Variants in DNAI4 observed in about 807,000 individuals in gnomAD.
DNAI4 encodes the protein WD repeat domain 78.
In DNAI4, 85 loss-of-function variants were observed where a neutral mutation model predicts 105.8. That is an observed-to-expected ratio of 0.80 (90% confidence interval 0.67 to 0.96). The LOEUF is 0.96. Among genes scored for constraint, DNAI4 ranks in the 40% least tolerant of loss-of-function variants. The pLI is 0.00. For synonymous variants in DNAI4, 352 were observed against 331.5 expected, an observed-to-expected ratio of 1.06 and a Z score of -0.67; for missense variants, 1,014 against 1,005.6, an observed-to-expected ratio of 1.01 and a Z score of -0.11.
At chr1:66,834,539 T>C (rs556319731) in intron 11 of DNAI4, among the ~76,000 whole-genome samples, 1 of 152,274 alleles carries the variant, frequency 6.6e-6, no homozygotes, top group South Asian at 2.1e-4. Context: ...ATGATGTTTC[T>C]ATGAATTAAG....
intron 4 of DNAI4, among the ~76,000 whole-genome samples, chr1:66,888,536 T>C (rs1315444812): frequency 2.4e-4 from 37 of 152,030 alleles, no homozygotes; most frequent in Admixed American, 2.4e-3. Flanking sequence ...CTACTAAAAA[T>C]ACAAAAATTA....
intron 14 of DNAI4, among the ~76,000 whole-genome samples, chr1:66,827,480 C>A (rs1020050285): frequency 6.6e-6 from 1 of 151,624 alleles, no homozygotes; most frequent in African/African-American, 2.4e-5. Flanking sequence ...AACAGTGAGA[C>A]CCATCTCTTA....
chr1:66,913,696 G>C (rs1165739858), intron 1 of DNAI4, among the ~76,000 whole-genome samples: 2 of 152,080 alleles, frequency 1.3e-5, no homozygotes, highest in African/African-American at 2.4e-5. Context: ...CAGTAAGAAG[G>C]TGGAGGCCGG....
intron 4 of DNAI4, 50 bp from the exon 5 acceptor site, chr1:66,874,987 T>A: frequency 6.6e-7 from 1 of 1,523,278 alleles, no homozygotes; most frequent in Non-Finnish European, 8.8e-7. Context: ...TATTTTTAAT[T>A]TGCATTTTTC....
At chr1:66,856,969 AG>A (rs1646514908) in intron 7 of DNAI4, among the ~76,000 whole-genome samples, 1 of 152,080 alleles carries the variant, frequency 6.6e-6, no homozygotes, top group African/African-American at 2.4e-5. Flanking sequence ...GCAGAAAAAA[AG>A]AAAAGTTTGA....
At chr1:66,908,066 T>C (rs1490066927) in intron 1 of DNAI4, among the ~76,000 whole-genome samples, 1 of 152,218 alleles carries the variant, frequency 6.6e-6, no homozygotes, top group Non-Finnish European at 1.5e-5. Flanking sequence ...TACCATACCT[T>C]TCCCTTCATT....
chr1:66,824,985 T>C (rs2100354239), intron 15 of DNAI4, among the ~76,000 whole-genome samples: 1 of 152,288 alleles, frequency 6.6e-6, no homozygotes, highest in African/African-American at 2.4e-5. Flanking sequence ...CCCGCCAGCC[T>C]GCACTGCAGA....
At chr1:66,893,188 T>C (rs1294273182) in intron 3 of DNAI4, 41 bp downstream of exon 3, 1 of 1,181,698 alleles carries the variant, frequency 8.5e-7, no homozygotes, top group African/African-American at 1.6e-5. Flanking sequence ...AAAGGCAATA[T>C]ATATGATAGA....
chr1:66,891,267 C>A lies in DNAI4; in HGVS notation c.531-1G>T. 1 of 1,606,740 alleles carries A rather than the reference C, an allele frequency of 6.2e-7. No individual in the cohort carries two copies. The highest frequency in any genetic ancestry group is 1.1e-5 in the South Asian group (1 of 90,614). The stretch of plus-strand genomic sequence containing the variant: ...AACTGTACTGCTTCCTAAAACTGAC[C>A]TTTAATAATGAATAACAAAATTACT... On this transcript the variant is annotated splice_acceptor_variant, in intron 3 of 16. Coordinates refer to ENST00000371026, the MANE Select transcript of DNAI4 (RefSeq NM_024763.5). LOFTEE classifies it high-confidence loss of function.
rs1359690361 is a variant in DNAI4 at position 66,847,609 on chromosome 1, T to C, written c.1166A>G (p.Asp389Gly). 6.2e-7 allele frequency: 1 copy of C among 1,613,784 alleles called. No individual in the cohort carries two copies. The highest frequency in any genetic ancestry group is 1.1e-5 in the South Asian group (1 of 90,984). ...AGATTTTAATATTGCATCTGAGTGGTCTTCCTCATCTTCATGGATTTTTGC... is the reference window on the plus strand; with the variant it reads ...AGATTTTAATATTGCATCTGAGTGGCCTTCCTCATCTTCATGGATTTTTGC... ...ILAKIHEDEE[D>G]HSDAILKSDK... is the part of the protein sequence containing the mutation. Residue 389 changes from aspartate to glycine, a missense_variant, in exon 8 of 17, where the codon GAC becomes GGC. Transcript: ENST00000371026.
chr1:66,833,143 C>T (rs1645902814), intron 13 of DNAI4, among the ~76,000 whole-genome samples: 1 of 152,040 alleles, frequency 6.6e-6, no homozygotes, highest in Non-Finnish European at 1.5e-5. Context: ...ATAGTATAGC[C>T]AACTAGAATG....
chr1:66,830,795 A>T (rs1057259528), intron 13 of DNAI4, among the ~76,000 whole-genome samples: 105 of 150,194 alleles, frequency 7.0e-4, no homozygotes, highest in Non-Finnish European at 1.3e-3. Context: ...AAAAATAAAT[A>T]AATAAATAAA....
rs912099887 is a variant in DNAI4 at position 66,887,756 on chromosome 1, C to T, written c.643+3398G>A. On this transcript the variant is annotated intron_variant, in intron 4 of 16. Transcript: ENST00000371026. ...TGGGAGGCCAAGGCGGCGGATCACT[C>T]GAGACCAGCCTGGCAAAAAAGGTGA... 2.0e-5 allele frequency among the ~76,000 whole-genome samples: 3 copies of T among 151,994 alleles called. No individual in the cohort carries two copies. In the East Asian group the frequency reaches 5.8e-4, roughly 29 times the overall value.
chr1:66,852,307 A>G (rs1646413238), intron 7 of DNAI4, among the ~76,000 whole-genome samples: 1 of 150,406 alleles, frequency 6.6e-6, no homozygotes, highest in South Asian at 2.1e-4. Context: ...AGAAACTTAA[A>G]GAAGAATTGT....
Position 66,909,066 on chromosome 1 carries a change from G to A in DNAI4, c.171-3691C>T, listed in dbSNP as rs539367428. Among the ~76,000 whole-genome samples, 18 of 151,466 alleles carry A rather than the reference G, an allele frequency of 1.2e-4. 1 individual carries two copies. In the East Asian group the frequency reaches 1.4e-3, roughly 11 times the overall value. On this transcript the variant is annotated intron_variant, in intron 1 of 16. Transcript: ENST00000371026. Reference sequence around the variant, plus strand: ...AGATTCCATTTTTCTGCCTATTCACGGACATTGCTCTAGCAGTTCTCTCTC... The same window carrying A: ...AGATTCCATTTTTCTGCCTATTCACAGACATTGCTCTAGCAGTTCTCTCTC...
rs116166565 is a variant in DNAI4, at chr1:66,899,587, A to G, written c.345+5614T>C. Among the ~76,000 whole-genome samples, 648 of 152,272 alleles carry G rather than the reference A, an allele frequency of 4.3e-3. 6 individuals are homozygous for G. The highest frequency in any genetic ancestry group is 0.015 in the African/African-American group (626 of 41,556). On this transcript the variant is annotated intron_variant, in intron 2 of 16. Coordinates refer to ENST00000371026, the MANE Select transcript of DNAI4 (RefSeq NM_024763.5). ...ACATTTAAAAATTTTCATAAGGTCAAATTTGTCTACTTTTTCTTTTGTTAC... is the reference window on the plus strand; with the variant it reads ...ACATTTAAAAATTTTCATAAGGTCAGATTTGTCTACTTTTTCTTTTGTTAC...
chr1:66,849,149 G>A (rs1646341537), intron 7 of DNAI4, among the ~76,000 whole-genome samples: 4 of 152,180 alleles, frequency 2.6e-5, no homozygotes. Context: ...GTCAGAGTTG[G>A]ACTGGTGAAG....
chr1:66,844,440 A>G lies in DNAI4; in HGVS notation c.1291+3044T>C, dbSNP rs139256190. Among the ~76,000 whole-genome samples the G allele has an allele frequency of 5.1e-3, 772 of 151,934 alleles. 8 individuals carry two copies. The highest frequency in any genetic ancestry group is 0.018 in the African/African-American group (730 of 41,470). On this transcript the variant is annotated intron_variant, in intron 8 of 16. Transcript: ENST00000371026. ...AGCCAGGTAGTAGTGGCGTGCACCT[A>G]TAATCCCAGCTACTAGGGAGGCTGA...
chr1:66,836,304 GAAAGAA>G lies in DNAI4; in HGVS notation c.1582-533_1582-528del, dbSNP rs1321726299. 9.1e-4 allele frequency among the ~76,000 whole-genome samples: 137 copies of G among 150,290 alleles called. No individual in the cohort carries two copies. The Middle Eastern group carries it at 0.014, about 15-fold the overall frequency. The stretch of plus-strand genomic sequence containing the variant: ...AGAAAGAAAGAAAGAAAGAAAGAAA[GAAAGAA>G]AGAAAGAAAGAAAGAAGGAAAGAGG... On this transcript the variant is annotated intron_variant, in intron 10 of 16. Coordinates refer to ENST00000371026, the MANE Select transcript of DNAI4 (RefSeq NM_024763.5).
Sources: allele counts gnomAD v4.1 joint callset (sites outside exome capture counted in the v4.1 genomes callset), GRCh38; gene constraint gnomAD v4.1.1; transcripts MANE v1.5; gene names NCBI Gene and HGNC (gene_info 2026-07-23, HGNC 2026-07-21).